Variants in ZNF438 observed in about 807,000 individuals in gnomAD.
ZNF438 encodes zinc finger protein 438.
A neutral mutation model predicts 38.0 loss-of-function variants in ZNF438; 25 were observed. The ratio of observed to expected loss-of-function variants is 0.66; its 90% CI spans 0.48 to 0.92. The LOEUF is 0.92. Among genes scored for constraint, ZNF438 ranks in the 40% least tolerant of loss-of-function variants. The pLI is 0.00. For missense variants in ZNF438, 1,007 were observed against 999.6 expected (o/e 1.01, Z -0.10); for synonymous variants, 372 against 364.1 (o/e 1.02, Z -0.25).
chr10:30,967,643 TG>T (rs1460305301), intron 1 of ZNF438, among the ~76,000 whole-genome samples: 1 of 152,222 alleles, frequency 6.6e-6, no homozygotes, highest in African/African-American at 2.4e-5. Context: ...AATATGTTAC[TG>T]CTCTGGTGTT....
chr10:30,965,963 A>G (rs1215202376), intron 1 of ZNF438, among the ~76,000 whole-genome samples: 1 of 152,114 alleles, frequency 6.6e-6, no homozygotes, highest in African/African-American at 2.4e-5. Context: ...TACGTACTAA[A>G]TGCATCACTC....
chr10:30,930,640 T>TAC, intron 2 of ZNF438, among the ~76,000 whole-genome samples: 12,267 of 150,470 alleles, frequency 0.082, 579 homozygotes, highest in Non-Finnish European at 0.11. Context: ...TCTACTAAAA[T>TAC]ACACACACAC....
intron 2 of ZNF438, among the ~76,000 whole-genome samples, chr10:30,912,126 A>G (rs1438187594): frequency 2.0e-5 from 3 of 152,110 alleles, no homozygotes; most frequent in Non-Finnish European, 4.4e-5. Context: ...TATAGCTCAC[A>G]GGCCTATCTA....
chr10:30,864,118 T>A (rs1272823427), intron 4 of ZNF438, among the ~76,000 whole-genome samples: 1 of 152,226 alleles, frequency 6.6e-6, no homozygotes, highest in Non-Finnish European at 1.5e-5. Flanking sequence ...ATGTGGGAAC[T>A]CATTCACTGT....
chr10:30,850,099 T>C (rs1462480285), exon 5 of ZNF438: 1 of 1,614,150 alleles, frequency 6.2e-7, no homozygotes, highest in Non-Finnish European at 8.5e-7. Flanking sequence ...TTGGCTGAGC[T>C]GAGGCAACAT....
At position 31,010,966 on chromosome 10, in the gene ZNF438, G is replaced by T. The variant is rs535338483; in HGVS notation, c.-192+20867C>A. Among the ~76,000 whole-genome samples, 3 of 139,876 alleles carry T rather than the reference G, an allele frequency of 2.1e-5. No homozygotes were observed. In the South Asian group the frequency reaches 6.9e-4, roughly 32 times the overall value. 91.8% of individuals were successfully genotyped at this position (139,876 alleles called of 152,430 possible). ...AGACAGAACCTATGGTGTATAATTAGAACTATGTTAACTTTTACTATAAAA... is the reference window on the plus strand; with the variant it reads ...AGACAGAACCTATGGTGTATAATTATAACTATGTTAACTTTTACTATAAAA... On this transcript the variant is annotated intron_variant, in intron 1 of 5. Transcript: ENST00000413025.
At chr10:31,013,614 G>GA in intron 1 of ZNF438, among the ~76,000 whole-genome samples, 1 of 152,098 alleles carries the variant, frequency 6.6e-6, no homozygotes, top group Non-Finnish European at 1.5e-5. Flanking sequence ...CACTGTGGAG[G>GA]AAGGTGCCAG....
chr10:30,932,619 A>G (rs777829095), intron 2 of ZNF438, among the ~76,000 whole-genome samples: 1 of 152,152 alleles, frequency 6.6e-6, no homozygotes, highest in Non-Finnish European at 1.5e-5. Flanking sequence ...GCCTCAAGGA[A>G]CCCTGCCCTT....
chr10:30,952,437 G>A (rs1323114877), intron 1 of ZNF438, among the ~76,000 whole-genome samples: 2 of 152,112 alleles, frequency 1.3e-5, no homozygotes, highest in Non-Finnish European at 2.9e-5. Context: ...TGAACAGCAA[G>A]AGAAACTACC....
chr10:30,947,968 C>T (rs1173790144), intron 1 of ZNF438, among the ~76,000 whole-genome samples: 1 of 152,192 alleles, frequency 6.6e-6, no homozygotes, highest in Admixed American at 6.5e-5. Flanking sequence ...CAGAAATCAC[C>T]GTCTTCTGCA....
chr10:31,012,149 G>A lies in ZNF438; in HGVS notation c.-192+19684C>T, dbSNP rs1437875740. The stretch of plus-strand genomic sequence containing the variant: ...TTTTTCTTTTTTTTTTTGAGATGGA[G>A]TCTCGCTCTGTCGCCCAGGCTGGAG... On this transcript the variant is annotated intron_variant, in intron 1 of 5. Transcript: ENST00000413025. Among the ~76,000 whole-genome samples the A allele has an allele frequency of 6.1e-5, 9 of 147,628 alleles. No individual in the cohort carries two copies. In the East Asian group the frequency reaches 1.6e-3, roughly 26 times the overall value.
chr10:30,946,933 C>T (rs1302100561), intron 1 of ZNF438, among the ~76,000 whole-genome samples: 2 of 152,126 alleles, frequency 1.3e-5, no homozygotes, highest in Non-Finnish European at 2.9e-5. Flanking sequence ...CACATTTAAC[C>T]TGCCACAACA....
chr10:30,960,551 C>T lies in ZNF438; in HGVS notation c.-191-18900G>A, dbSNP rs556881611. 3.4e-5 allele frequency among the ~76,000 whole-genome samples: 5 copies of T among 147,010 alleles called. 1 individual carries two copies. Among genetic ancestry groups the T allele is most frequent in the Admixed American group, 2.7e-4 (4 of 14,602 alleles). On this transcript the variant is annotated intron_variant, in intron 1 of 5. Transcript: ENST00000413025. ...TCTCTATTTGTCTTAGCAGCTCTTC[C>T]AAAAATCAATGGACCAAAAATGTAA...
intron 3 of ZNF438, among the ~76,000 whole-genome samples, chr10:30,899,985 A>G (rs556643570): frequency 1.3e-5 from 2 of 152,214 alleles, no homozygotes; most frequent in Admixed American, 6.5e-5. Context: ...TCTAATCGAC[A>G]TAACTGATAA....
intron 4 of ZNF438, among the ~76,000 whole-genome samples, chr10:30,860,669 C>T (rs2035424848): frequency 6.6e-6 from 1 of 152,200 alleles, no homozygotes; most frequent in Non-Finnish European, 1.5e-5. Context: ...ACTTGCCCTT[C>T]TGTAAATTTT....
intron 2 of ZNF438, among the ~76,000 whole-genome samples, chr10:30,931,203 C>G (rs1472974160): frequency 6.6e-6 from 1 of 152,212 alleles, no homozygotes; most frequent in Non-Finnish European, 1.5e-5. Flanking sequence ...GGACAACCAT[C>G]TTGAGCTGCT....
At chr10:30,879,161 G>A (rs915222329) in intron 3 of ZNF438, among the ~76,000 whole-genome samples, 1 of 152,078 alleles carries the variant, frequency 6.6e-6, no homozygotes, top group Non-Finnish European at 1.5e-5. Flanking sequence ...AAGGTCCAAG[G>A]TACACTACAG....
chr10:30,934,217 G>A (rs890628562), intron 2 of ZNF438, among the ~76,000 whole-genome samples: 5 of 151,696 alleles, frequency 3.3e-5, no homozygotes, highest in African/African-American at 9.7e-5. Flanking sequence ...GGGATGTACC[G>A]AGTTGGCAGA....
intron 2 of ZNF438, chr10:30,923,148 A>C (rs1043336210): frequency 1.3e-5 from 2 of 152,246 alleles, no homozygotes; most frequent in African/African-American, 2.4e-5. Context: ...TGTAGATCAC[A>C]TTATGATTTC....
Sources: gnomAD v4.1 joint callset for allele counts (sites outside exome capture counted in the v4.1 genomes callset) on GRCh38, gnomAD v4.1.1 for gene constraint, MANE v1.5 for transcripts, NCBI Gene and HGNC (gene_info 2026-07-23, HGNC 2026-07-21) for gene names.